The following ST14 variants were observed in gnomAD, a reference collection of about 807,000 sequenced individuals.
ST14 encodes the protein suppressor of tumorigenicity 14 protein.
Under a neutral mutation model 96.5 loss-of-function variants are expected in ST14, and 40 were observed. The observed-to-expected ratio is 0.41, with a 90% CI of 0.32 to 0.54. ST14 has a LOEUF of 0.54. ST14 is among the 20% of genes least tolerant of loss of function. The pLI is 0.17. For missense variants in ST14, 1,066 were observed against 1,188.9 expected, an observed-to-expected ratio of 0.90 and a Z score of 1.52; for synonymous variants, 506 against 492.1, an observed-to-expected ratio of 1.03 and a Z score of -0.37.
intron 1 of ST14, among the ~76,000 whole-genome samples, chr11:130,164,753 T>TATTATTATTA (rs1565616618): frequency 6.7e-6 from 1 of 148,524 alleles, no homozygotes; most frequent in African/African-American, 2.5e-5. Context: ...TTATTATTAT[T>TATTATTATTA]TTGAGATGGA....
chr11:130,188,709 C>T lies in ST14; in HGVS notation c.369+52C>T, dbSNP rs747524107. On this transcript the variant is annotated intron_variant, in intron 3 of 18. Coordinates refer to ENST00000278742, the MANE Select transcript of ST14 (RefSeq NM_021978.4). This position sits in a 1 kb window ranked among gnomAD's most constrained non-coding sequence, Gnocchi z 5.4. Reference sequence around the variant, plus strand: ...CTGGGCTGTGTGCGCTGGTGTCCCACCTGCTGGGCAGGAGGGACATGCCTC... The same window carrying T: ...CTGGGCTGTGTGCGCTGGTGTCCCATCTGCTGGGCAGGAGGGACATGCCTC... The T allele has an allele frequency of 1.9e-6, 3 of 1,613,828 alleles. No individual in the cohort carries two copies. The highest frequency in any genetic ancestry group is 2.5e-6 in the Non-Finnish European group (3 of 1,179,950).
rs1953250963 is a variant in ST14 at position 130,187,777 on chromosome 11, G to A, written c.82-337G>A. 6.6e-6 allele frequency among the ~76,000 whole-genome samples: 1 copy of A among 152,186 alleles called. No individual in the cohort carries two copies. The highest frequency in any genetic ancestry group is 1.5e-5 in the Non-Finnish European group (1 of 68,034). ...CCTACGTCAAAGGTGATTCACTGAAGGGGAGACCTGGATGACCGGGTTCGA... is the reference window on the plus strand; with the variant it reads ...CCTACGTCAAAGGTGATTCACTGAAAGGGAGACCTGGATGACCGGGTTCGA... On this transcript the variant is annotated intron_variant, in intron 1 of 18. Transcript: ENST00000278742. This position sits in a 1 kb window ranked among gnomAD's most constrained non-coding sequence, Gnocchi z 4.5.
intron 1 of ST14, among the ~76,000 whole-genome samples, chr11:130,162,078 A>T (rs1048299744): frequency 6.6e-6 from 1 of 152,200 alleles, no homozygotes; most frequent in African/African-American, 2.4e-5. Flanking sequence ...TGGGTTTATT[A>T]TCTGGGTCAG....
At chr11:130,169,622 G>A (rs1212835333) in intron 1 of ST14, among the ~76,000 whole-genome samples, 2 of 152,098 alleles carry the variant, frequency 1.3e-5, no homozygotes, top group South Asian at 2.1e-4. Context: ...GCGGTGAAAC[G>A]GGAAGTCTGA....
rs554342646 is a variant in ST14, at chr11:130,189,749, G to A, written c.451G>A (p.Val151Ile). 4.7e-5 allele frequency: 76 copies of A among 1,612,654 alleles called. No individual in the cohort carries two copies. Among genetic ancestry groups the A allele is most frequent in the Admixed American group, 6.7e-5 (4 of 60,028 alleles). The change falls in exon 5 of 19, where the codon GTC (valine) becomes ATC (isoleucine). Residue 151 changes from valine to isoleucine, a missense_variant. By Grantham distance (29) the Val-to-Ile change is conservative. Transcript: ENST00000278742. ...SAVTAFSEGS[V>I]IAYYWSEFSI... ...CCGCTCTCTCCCCAGCGAGGGCAGC[G>A]TCATCGCCTACTACTGGTCTGAGTT... is the stretch of plus-strand genomic sequence containing the variant.
Position 130,188,116 on chromosome 11 carries a change from A to T in ST14, c.84A>T (p.Lys28Asn). The change falls in exon 2 of 19, where the codon AAA becomes AAT. Residue 28 changes from lysine to asparagine, a missense_variant and splice_region_variant. Lys to Asn is a moderately conservative substitution (Grantham distance 94). Transcript: ENST00000278742. The surrounding 1 kb of genome is among the most constrained non-coding windows in gnomAD (Gnocchi z 5.4). ...AGLKYNSRHEKVNGLEEGVEF... is the reference protein window; with the variant it reads ...AGLKYNSRHENVNGLEEGVEF... The stretch of plus-strand genomic sequence containing the variant: ...TGGTGGCGCCTCTCTCCCTGCAGAA[A>T]GTGAATGGCTTGGAGGAAGGCGTGG... 6.2e-7 allele frequency: 1 copy of T among 1,614,108 alleles called. No homozygotes were observed.
chr11:130,162,495 G>A (rs1953005472), intron 1 of ST14, among the ~76,000 whole-genome samples: 1 of 152,182 alleles, frequency 6.6e-6, no homozygotes, highest in Non-Finnish European at 1.5e-5. Flanking sequence ...GGCATCCAGA[G>A]ACCAAGTTTG....
At chr11:130,176,493 G>A (rs57619715) in intron 1 of ST14, among the ~76,000 whole-genome samples, 18,484 of 150,918 alleles carry the variant, frequency 0.12, 1,368 homozygotes, top group East Asian at 0.31. Flanking sequence ...GGTTCACACC[G>A]TTCTCCTGCC....
chr11:130,202,368 T>C (rs909008663), intron 16 of ST14, among the ~76,000 whole-genome samples: 1 of 152,212 alleles, frequency 6.6e-6, no homozygotes, highest in Non-Finnish European at 1.5e-5. Flanking sequence ...CACAGACTTG[T>C]AAGGGTAGGG....
At chr11:130,204,882 A>G (rs1015447894) in intron 16 of ST14, among the ~76,000 whole-genome samples, 1 of 152,054 alleles carries the variant, frequency 6.6e-6, no homozygotes, top group Non-Finnish European at 1.5e-5. Flanking sequence ...TCGGGTGGGC[A>G]CGCGAGTGAT....
chr11:130,189,229 T>G (rs1591887131), intron 4 of ST14: 2 of 535,164 alleles, frequency 3.7e-6, no homozygotes, highest in Non-Finnish European at 6.8e-6. Flanking sequence ...CAAATTTGGG[T>G]ATGGGGGAGT....
At chr11:130,204,682 T>C (rs1472180229) in intron 16 of ST14, among the ~76,000 whole-genome samples, 2 of 151,946 alleles carry the variant, frequency 1.3e-5, no homozygotes, top group African/African-American at 4.8e-5. Flanking sequence ...CATGGTGGCA[T>C]GCACCTGCAC....
chr11:130,186,436 A>C (rs1171684701), intron 1 of ST14, among the ~76,000 whole-genome samples: 1 of 152,216 alleles, frequency 6.6e-6, no homozygotes, highest in African/African-American at 2.4e-5. Context: ...GCTATGAGAA[A>C]GGACAGGCGG....
intron 17 of ST14, 139 bp downstream of exon 17, chr11:130,208,823 G>T: frequency 8.8e-7 from 1 of 1,136,078 alleles, no homozygotes. Flanking sequence ...TGTCCAGGGC[G>T]GAATGGAGGC....
intron 1 of ST14, among the ~76,000 whole-genome samples, chr11:130,173,588 T>C (rs1413031696): frequency 6.8e-6 from 1 of 146,624 alleles, no homozygotes; most frequent in African/African-American, 2.6e-5. Flanking sequence ...AGAGCGAGAC[T>C]CTGTCTCAAA....
chr11:130,196,345 A>G lies in ST14; in HGVS notation c.1120A>G (p.Asn374Asp). The G allele has an allele frequency of 6.3e-7, 1 of 1,590,312 alleles. No individual in the cohort carries two copies. The highest frequency in any genetic ancestry group is 1.1e-5 in the South Asian group (1 of 87,050). The change falls in exon 10 of 19, where the codon AAC becomes GAC. Residue 374 changes from asparagine to aspartate, a missense_variant. Transcript: ENST00000278742. ...IDCTWNIEVP[N>D]NQHVKVRFKF... ...GCAGCCTCTCTTCCCTCAGGTGCCC[A>G]ACAACCAGCATGTGAAGGTGCGCTT...
In ST14 at chr11:130,198,054, G is replaced by C. The variant is rs1211210315; in HGVS notation, c.1459+109G>C. ...GGCAGAAAGGCCGGAGGTGGTGGGA[G>C]TTTTTGCTCTCGGCCCTGTGTAGAG... is the stretch of plus-strand genomic sequence containing the variant. On this transcript the variant is annotated intron_variant, in intron 12 of 18. Transcript: ENST00000278742. 2.5e-6 allele frequency: 3 copies of C among 1,215,172 alleles called. No individual in the cohort carries two copies. In the African/African-American group the frequency reaches 4.5e-5, roughly 18 times the overall value. The allele number at this position is 1,215,172 out of a possible 1,614,324, so 75.3% of individuals were successfully genotyped here.
At chr11:130,196,795 A>G in intron 11 of ST14, 95 bp downstream of exon 11, 3 of 1,578,414 alleles carry the variant, frequency 1.9e-6, no homozygotes, top group South Asian at 1.1e-5. Context: ...TGCTGATTCT[A>G]AAATGCTGGA....
intron 1 of ST14, among the ~76,000 whole-genome samples, chr11:130,163,146 C>T (rs966847159): frequency 2.0e-5 from 3 of 152,046 alleles, no homozygotes; most frequent in Non-Finnish European, 2.9e-5. Context: ...GGTCGCCTGT[C>T]GAGAGGCTGA....
Sources: gnomAD v4.1 joint callset for allele counts (sites outside exome capture counted in the v4.1 genomes callset) on GRCh38, gnomAD v4.1.1 for gene constraint, Gnocchi (gnomAD v3.1) non-coding constraint, MANE v1.5 for transcripts, NCBI Gene and HGNC (gene_info 2026-07-23, HGNC 2026-07-21) for gene names.